SPIRE2: variants seen among roughly 807,000 people sequenced by gnomAD.
The protein encoded by SPIRE2 is spire type actin nucleation factor 2, also known as protein spire homolog 2.
SPIRE2 carries 76 observed loss-of-function variants against 80.7 expected under a neutral mutation model. That is an observed-to-expected ratio of 0.94 (90% CI 0.78 to 1.14). The LOEUF is 1.14. SPIRE2 is among the 50% of genes most tolerant of loss of function. The probability of loss-of-function intolerance (pLI) is 0.00; values close to 1 mark genes in which losing one functional copy is unlikely to be tolerated. For synonymous variants in SPIRE2, 535 were observed against 432.6 expected, an observed-to-expected ratio of 1.24 and a Z score of -2.94; for missense variants, 1,196 against 1,015.3, an observed-to-expected ratio of 1.18 and a Z score of -2.42.
At position 89,828,943 on chromosome 16, in the gene SPIRE2, C is replaced by T; in HGVS notation, c.244+149C>T. The T allele has an allele frequency of 6.1e-6, 3 of 493,318 alleles. No individual in the cohort carries two copies. The highest frequency in any genetic ancestry group is 8.9e-6 in the Non-Finnish European group (3 of 338,764). 30.6% of individuals were successfully genotyped at this position (493,318 alleles called of 1,614,324 possible). A position where few individuals can be genotyped will look rare whatever the true frequency, so the allele number is the denominator to read the frequency against. The stretch of plus-strand genomic sequence containing the variant: ...GCGGGACCCGGAGCTCCCTCCCTCC[C>T]ACTCTCCGTCCCTCTTTCCCTCTCT... On this transcript the variant is annotated intron_variant, in intron 1 of 14. Transcript: ENST00000378247. The surrounding 1 kb of genome is among the most constrained non-coding windows in gnomAD (Gnocchi z 5.9).
chr16:89,849,195 C>T (rs1183769123), intron 2 of SPIRE2, among the ~76,000 whole-genome samples: 1 of 152,224 alleles, frequency 6.6e-6, no homozygotes, highest in Non-Finnish European at 1.5e-5. Flanking sequence ...CAAAGCGGCC[C>T]CAGGAAGTGG....
chr16:89,830,325 CTGTGG>C (rs1190439919), intron 1 of SPIRE2, among the ~76,000 whole-genome samples: 1 of 151,306 alleles, frequency 6.6e-6, no homozygotes, highest in African/African-American at 2.4e-5. Context: ...TGGTACCCAC[CTGTGG>C]TCCAGTTCAT....
chr16:89,869,635 G>T lies in SPIRE2; in HGVS notation c.1875G>T (p.Arg625Ser), dbSNP rs201149997. Residue 625 changes from arginine (R) to serine (S), a missense_variant, in exon 14 of 15, where the codon AGG (arginine) becomes AGT (serine). By Grantham distance (110) the Arg-to-Ser change is moderately radical. Transcript: ENST00000378247. ...VYTLGFESPQ[R>S]VSAAKTAPIQ... Reference sequence around the variant, plus strand: ...CACTGGGCTTTGAGAGTCCTCAGAGGGTATCAGCTGCCAAAACCGCGCCAA... The same window carrying T: ...CACTGGGCTTTGAGAGTCCTCAGAGTGTATCAGCTGCCAAAACCGCGCCAA... The T allele has an allele frequency of 8.4e-5, 135 of 1,614,036 alleles. No individual in the cohort carries two copies. The highest frequency in any genetic ancestry group is 1.3e-5 in the African/African-American group (1 of 74,902).
intron 2 of SPIRE2, among the ~76,000 whole-genome samples, chr16:89,849,214 T>A (rs1021081408): frequency 6.6e-6 from 1 of 152,196 alleles, no homozygotes; most frequent in African/African-American, 2.4e-5. Flanking sequence ...GGACAGTGCC[T>A]GGGGGAGGCG....
chr16:89,842,539 T>C (rs972992280), intron 1 of SPIRE2, among the ~76,000 whole-genome samples: 2 of 152,198 alleles, frequency 1.3e-5, no homozygotes, highest in African/African-American at 4.8e-5. Context: ...GATACAACTT[T>C]TTTTGTTAAC....
chr16:89,830,618 A>G lies in SPIRE2; in HGVS notation c.244+1824A>G, dbSNP rs192416341. Among the ~76,000 whole-genome samples, 385 of 151,144 alleles carry G rather than the reference A, an allele frequency of 2.5e-3. 25 individuals carry two copies. Among genetic ancestry groups the G allele is most frequent in the Non-Finnish European group, 7.6e-4 (51 of 67,362 alleles). On this transcript the variant is annotated intron_variant, in intron 1 of 14. Coordinates refer to ENST00000378247, the MANE Select transcript of SPIRE2 (RefSeq NM_032451.2). ...GTAGATATCAATAGGAAAACATCCA[A>G]TCTCACTTGTTGGCATTGTAGTCTC...
chr16:89,859,462 A>T, intron 9 of SPIRE2, 108 bp downstream of exon 9: 2 of 589,444 alleles, frequency 3.4e-6, no homozygotes, highest in Non-Finnish European at 5.1e-6. Flanking sequence ...GGCAGCTCCC[A>T]GGGACCCAGG....
intron 1 of SPIRE2, among the ~76,000 whole-genome samples, chr16:89,841,683 T>C (rs1377927228): frequency 1.3e-5 from 2 of 152,104 alleles, no homozygotes; most frequent in African/African-American, 4.8e-5. Context: ...GCTGCGCAGA[T>C]AGAGGCCACG....
intron 2 of SPIRE2, chr16:89,845,799 C>T: frequency 1.7e-6 from 1 of 586,830 alleles, no homozygotes; most frequent in Non-Finnish European, 3.0e-6. Flanking sequence ...CTTCCTCTCC[C>T]ATTCACCTGC....
In SPIRE2 at chr16:89,854,168, C is replaced by T. The variant is rs574082776; in HGVS notation, c.646-118C>T. ...CCTGGGCCAAAATGCCCAGCTGTCT[C>T]TTTTCCGGCTGGTCGAGTGGAGCCC... On this transcript the variant is annotated intron_variant, in intron 3 of 14. Transcript: ENST00000378247. 3.1e-5 allele frequency: 30 copies of T among 952,752 alleles called. No homozygotes were observed. The East Asian group carries it at 7.9e-4, about 25-fold the overall frequency. 59.0% of individuals were successfully genotyped at this position (952,752 alleles called of 1,614,324 possible). A position where few individuals can be genotyped will look rare whatever the true frequency, so the allele number is the denominator to read the frequency against.
Position 89,870,925 on chromosome 16 carries a change from A to C in SPIRE2, c.*653A>C, listed in dbSNP as rs2143836892. ...ACATGATGAAATGTTGTCTCTACTG[A>C]AAATGCAAAAATTAGCCAGGTATAG... On this transcript the variant is annotated 3_prime_UTR_variant, in exon 15 of 15. Transcript: ENST00000378247. 1 of 152,814 alleles carries C rather than the reference A, an allele frequency of 6.5e-6. No homozygotes were observed. Among genetic ancestry groups the C allele is most frequent in the Non-Finnish European group, 1.5e-5 (1 of 68,430 alleles). The allele number at this position is 152,814 out of a possible 1,614,324, so 9.5% of individuals were successfully genotyped here.
intron 5 of SPIRE2, among the ~76,000 whole-genome samples, 188 bp from the exon 6 acceptor site, chr16:89,855,412 C>A (rs114828514): frequency 0.016 from 2,424 of 152,176 alleles, 74 homozygotes; most frequent in African/African-American, 0.055. Context: ...ATGCTGTGGC[C>A]GCCCAGAGCA....
chr16:89,855,388 G>A (rs560056039), intron 5 of SPIRE2, among the ~76,000 whole-genome samples: 103 of 152,280 alleles, frequency 6.8e-4, no homozygotes, highest in African/African-American at 2.4e-3. Context: ...AGGTGGGGAC[G>A]CGTCAGACCA....
At chr16:89,859,602 A>G (rs1000181534) in intron 9 of SPIRE2, among the ~76,000 whole-genome samples, 2 of 152,186 alleles carry the variant, frequency 1.3e-5, no homozygotes, top group African/African-American at 4.8e-5. Flanking sequence ...TCATGATTCT[A>G]TTACCTAGAC....
intron 10 of SPIRE2, chr16:89,862,213 C>T (rs1186455766): frequency 6.6e-6 from 1 of 152,100 alleles, no homozygotes; most frequent in Non-Finnish European, 1.5e-5. Context: ...TCGTGTTAGC[C>T]AGGATGGTTT....
rs542994083 is a variant in SPIRE2, at chr16:89,854,598, G to A, written c.838G>A (p.Glu280Lys). The part of the protein sequence containing the change: ...LPTEFQLTPF[E>K]MLMQDIRARN... ...CACCGAGTTCCAGCTCACGCCCTTCGAGATGCTGATGCAGGACATCCGGGC... is the reference window on the plus strand; with the variant it reads ...CACCGAGTTCCAGCTCACGCCCTTCAAGATGCTGATGCAGGACATCCGGGC... Residue 280 changes from glutamate to lysine, a missense_variant, in exon 5 of 15, where the codon GAG becomes AAG. Transcript: ENST00000378247. The A allele has an allele frequency of 1.9e-5, 31 of 1,604,884 alleles. 2 individuals carry two copies. Among genetic ancestry groups the A allele is most frequent in the South Asian group, 7.7e-5 (7 of 90,972 alleles).
At position 89,860,714 on chromosome 16, in the gene SPIRE2, C is replaced by A; in HGVS notation, c.1494C>A (p.Ser498Arg). The change falls in exon 10 of 15, where the codon AGC becomes AGA. Residue 498 changes from serine to arginine, a missense_variant. Ser to Arg is a moderately radical substitution (Grantham distance 110). Coordinates refer to ENST00000378247, the MANE Select transcript of SPIRE2 (RefSeq NM_032451.2). Reference protein sequence around the residue: ...GTCPASVSDPSHPLLSNRGSS... With the variant: ...GTCPASVSDPRHPLLSNRGSS... ...GTCCCGCGAGTGTCTCTGACCCCAG[C>A]CACCCCCTACTCAGCAACCGGGGCT... The A allele has an allele frequency of 6.3e-7, 1 of 1,591,682 alleles. No individual in the cohort carries two copies. Among genetic ancestry groups the A allele is most frequent in the Non-Finnish European group, 8.5e-7 (1 of 1,169,674 alleles).
In SPIRE2 at chr16:89,864,710, G is replaced by A. The variant is rs527461664; in HGVS notation, c.1778+849G>A. Among the ~76,000 whole-genome samples, 8 of 152,316 alleles carry A rather than the reference G, an allele frequency of 5.3e-5. No homozygotes were observed. The South Asian group carries it at 1.4e-3, about 28-fold the overall frequency. On this transcript the variant is annotated intron_variant, in intron 12 of 14. Transcript: ENST00000378247. ...ACTAACGTGGAGTAAGTAGCCCAAA[G>A]TGATTGTTGCTCTAGGCCTGACTGA... is the stretch of plus-strand genomic sequence containing the variant.
Position 89,860,698 on chromosome 16 carries a change from G to A in SPIRE2, c.1478G>A (p.Ser493Asn). The change falls in exon 10 of 15, where the codon AGT (serine) becomes AAT (asparagine). Residue 493 changes from serine (S) to asparagine (N), a missense_variant. Coordinates refer to ENST00000378247, the MANE Select transcript of SPIRE2 (RefSeq NM_032451.2). Reference sequence around the variant, plus strand: ...TCTCCCCCAGGTACCTGTCCCGCGAGTGTCTCTGACCCCAGCCACCCCCTA... The same window carrying A: ...TCTCCCCCAGGTACCTGTCCCGCGAATGTCTCTGACCCCAGCCACCCCCTA... ...GSRDQGTCPA[S>N]VSDPSHPLLS... The A allele has an allele frequency of 6.3e-7, 1 of 1,592,426 alleles. No individual in the cohort carries two copies. The highest frequency in any genetic ancestry group is 1.1e-5 in the South Asian group (1 of 87,746).
Sources: allele counts gnomAD v4.1 joint callset (sites outside exome capture counted in the v4.1 genomes callset), GRCh38; gene constraint gnomAD v4.1.1; non-coding constraint Gnocchi (gnomAD v3.1); transcripts MANE v1.5; gene names NCBI Gene and HGNC (gene_info 2026-07-23, HGNC 2026-07-21).